GLT1D1: variants seen among roughly 807,000 people sequenced by gnomAD.
GLT1D1 encodes the protein glycosyltransferase 1 domain containing 1.
In GLT1D1, 21 loss-of-function variants were observed where a neutral mutation model predicts 28.7. The observed-to-expected ratio is 0.73, with a 90% CI of 0.52 to 1.05. The LOEUF is 1.05. Among genes scored for constraint, GLT1D1 ranks in the 50% least tolerant of loss-of-function variants. GLT1D1 has a pLI of 0.00. For missense variants in GLT1D1, 343 were observed against 330.6 expected, an observed-to-expected ratio of 1.04 and a Z score of -0.29; for synonymous variants, 147 against 124.8, an observed-to-expected ratio of 1.18 and a Z score of -1.19.
rs562403746 is a variant in GLT1D1 at position 128,912,647 on chromosome 12, A to T, written c.375+13360A>T. 1.4e-3 allele frequency among the ~76,000 whole-genome samples: 214 copies of T among 152,194 alleles called. 1 individual carries two copies. Among genetic ancestry groups the T allele is most frequent in the Non-Finnish European group, 8.4e-4 (57 of 68,018 alleles). ...GATTTCTCAGATTTACTTAAAAATAATCAGTGAAATGGCTACTTTTTTTTT... is the reference window on the plus strand; with the variant it reads ...GATTTCTCAGATTTACTTAAAAATATTCAGTGAAATGGCTACTTTTTTTTT... On this transcript the variant is annotated intron_variant, in intron 4 of 7. Coordinates refer to ENST00000281703, the MANE Select transcript of GLT1D1 (RefSeq NM_144669.3).
chr12:128,872,020 C>T (rs1230979099), intron 1 of GLT1D1, among the ~76,000 whole-genome samples: 7 of 152,056 alleles, frequency 4.6e-5, no homozygotes, highest in African/African-American at 7.2e-5. Flanking sequence ...GGCGCGATCT[C>T]GGCTCACTGC....
intron 4 of GLT1D1, among the ~76,000 whole-genome samples, chr12:128,913,081 G>A (rs927113866): frequency 2.0e-5 from 3 of 152,172 alleles, no homozygotes; most frequent in African/African-American, 7.2e-5. Flanking sequence ...CAAACCAAAT[G>A]CGGAGCTTCT....
At chr12:128,900,470 G>A (rs570549122) in intron 4 of GLT1D1, among the ~76,000 whole-genome samples, 61 of 152,310 alleles carry the variant, frequency 4.0e-4, no homozygotes, top group African/African-American at 8.9e-4. Flanking sequence ...ATATGTGAAT[G>A]TGAAGTTGCA....
chr12:128,972,217 C>T (rs535962115), intron 7 of GLT1D1, among the ~76,000 whole-genome samples: 1 of 152,340 alleles, frequency 6.6e-6, no homozygotes, highest in African/African-American at 2.4e-5. Flanking sequence ...CATTATTTCT[C>T]GCTCTTCTGG....
intron 7 of GLT1D1, among the ~76,000 whole-genome samples, chr12:128,959,110 TA>T (rs1877626932): frequency 1.3e-5 from 2 of 151,946 alleles, no homozygotes; most frequent in Non-Finnish European, 2.9e-5. Context: ...GTACTGGGAT[TA>T]CAGGCATGAG....
At chr12:128,945,830 G>A (rs1875999211) in intron 5 of GLT1D1, among the ~76,000 whole-genome samples, 1 of 152,182 alleles carries the variant, frequency 6.6e-6, no homozygotes, top group African/African-American at 2.4e-5. Context: ...TCAGGGATTT[G>A]GCTCCTGTCT....
At chr12:128,875,054 T>TTGTGTGTGTGTGTGTG (rs376956933) in intron 1 of GLT1D1, among the ~76,000 whole-genome samples, 21 of 143,896 alleles carry the variant, frequency 1.5e-4, no homozygotes, top group Admixed American at 4.9e-4. Flanking sequence ...GACATAAATA[T>TTGTGTGTGTGTGTGTG]TGTGTGTGTG....
At chr12:128,865,749 G>C (rs1956496615) in intron 1 of GLT1D1, among the ~76,000 whole-genome samples, 1 of 152,020 alleles carries the variant, frequency 6.6e-6, no homozygotes. Flanking sequence ...TTGAACCTGG[G>C]AGACAGAGGT....
intron 4 of GLT1D1, among the ~76,000 whole-genome samples, chr12:128,932,729 G>A (rs572328680): frequency 6.6e-6 from 1 of 152,228 alleles, no homozygotes; most frequent in Non-Finnish European, 1.5e-5. Flanking sequence ...CAGCGAGGCC[G>A]CCGGTCTTCA....
chr12:128,916,190 G>A (rs1256311358), intron 4 of GLT1D1, among the ~76,000 whole-genome samples: 2 of 152,156 alleles, frequency 1.3e-5, no homozygotes, highest in African/African-American at 4.8e-5. Flanking sequence ...GTGTGTATCT[G>A]TAGACCTTTT....
chr12:128,924,023 T>C (rs1397358008), intron 4 of GLT1D1, among the ~76,000 whole-genome samples: 1 of 152,108 alleles, frequency 6.6e-6, no homozygotes, highest in East Asian at 1.9e-4. Context: ...CTGCTTCATG[T>C]GTGTCCGCTG....
intron 4 of GLT1D1, among the ~76,000 whole-genome samples, chr12:128,924,182 T>A (rs1270708292): frequency 6.6e-6 from 1 of 151,908 alleles, no homozygotes; most frequent in Non-Finnish European, 1.5e-5. Context: ...ATCCTAACAC[T>A]TTGGGAGGCC....
intron 7 of GLT1D1, among the ~76,000 whole-genome samples, chr12:128,972,158 G>T (rs1391792718): frequency 6.6e-6 from 1 of 152,082 alleles, no homozygotes; most frequent in Non-Finnish European, 1.5e-5. Context: ...ACAGGAAGTG[G>T]CAGCTGCTCT....
Position 128,864,124 on chromosome 12 carries a change from C to T in GLT1D1, c.68+10475C>T, listed in dbSNP as rs950519389. 7 of 668,314 alleles carry T rather than the reference C, an allele frequency of 1.0e-5. No individual in the cohort carries two copies. The Admixed American group carries it at 1.5e-4, about 15-fold the overall frequency. The allele number at this position is 668,314 out of a possible 1,614,324, so 41.4% of individuals were successfully genotyped here. ...GGAATGCTGGCTGATGCCAGCTCGG[C>T]TGGGGCAGGAGAGTCTTAACATGCT... On this transcript the variant is annotated intron_variant, in intron 1 of 7. Transcript: ENST00000281703.
chr12:128,931,389 C>G (rs1873868065), intron 4 of GLT1D1, among the ~76,000 whole-genome samples: 1 of 151,260 alleles, frequency 6.6e-6, no homozygotes, highest in Non-Finnish European at 1.5e-5. Flanking sequence ...CTCACTGCAA[C>G]CTCCGCCTCC....
chr12:128,973,548 G>A (rs946531969), intron 7 of GLT1D1, among the ~76,000 whole-genome samples: 2 of 151,328 alleles, frequency 1.3e-5, no homozygotes, highest in South Asian at 2.1e-4. Context: ...CAGATTTACC[G>A]CCGCACTTTA....
At position 128,983,115 on chromosome 12, in the gene GLT1D1, C is replaced by A. The variant is rs200864217; in HGVS notation, c.*25C>A. 1,026 of 1,605,400 alleles carry A rather than the reference C, an allele frequency of 6.4e-4. 6 individuals carry two copies. Among genetic ancestry groups the A allele is most frequent in the South Asian group, 7.9e-4 (72 of 90,762 alleles). On this transcript the variant is annotated 3_prime_UTR_variant, in exon 8 of 8. Coordinates refer to ENST00000281703, the MANE Select transcript of GLT1D1 (RefSeq NM_144669.3). This position sits in a 1 kb window ranked among gnomAD's most constrained non-coding sequence, Gnocchi z 4.7. ...AGGGCCCCGCCTCATCAGACACCTG[C>A]TCTCTGACACACAGCTCTGGGTGCA...
chr12:128,869,367 G>T (rs967733350), intron 1 of GLT1D1, among the ~76,000 whole-genome samples: 1 of 151,752 alleles, frequency 6.6e-6, no homozygotes, highest in Non-Finnish European at 1.5e-5. Context: ...ACAGGGTCTC[G>T]CCATGTTGCC....
At position 128,944,316 on chromosome 12, in the gene GLT1D1, G is replaced by A. The variant is rs925952222; in HGVS notation, c.376-1010G>A. The stretch of plus-strand genomic sequence containing the variant: ...GGCTTGTTTGAGGAACGTCAGTTTG[G>A]AGGAAAGCATATCCACAGGGCCAAA... On this transcript the variant is annotated intron_variant, in intron 4 of 7. Coordinates refer to ENST00000281703, the MANE Select transcript of GLT1D1 (RefSeq NM_144669.3). The A allele has an allele frequency of 7.3e-6, 5 of 687,468 alleles. No individual in the cohort carries two copies. In the African/African-American group the frequency reaches 8.9e-5, roughly 12 times the overall value. 42.6% of individuals were successfully genotyped at this position (687,468 alleles called of 1,614,324 possible).
Sources: gnomAD v4.1 joint callset for allele counts (sites outside exome capture counted in the v4.1 genomes callset) on GRCh38, gnomAD v4.1.1 for gene constraint, Gnocchi (gnomAD v3.1) non-coding constraint, MANE v1.5 for transcripts, NCBI Gene and HGNC (gene_info 2026-07-23, HGNC 2026-07-21) for gene names.